Variants in DRC8 observed in about 807,000 individuals in gnomAD.
DRC8 encodes dynein regulatory complex protein 8.
At chr1:245,080,165 A>G in the DRC8 span, among the ~76,000 whole-genome samples, 1 of 152,184 alleles carries the variant, frequency 6.6e-6, no homozygotes, top group Non-Finnish European at 1.5e-5. Context: ...TGCTCGAAGA[A>G]TAAATCTGTC....
the DRC8 span, among the ~76,000 whole-genome samples, chr1:245,057,496 G>A: frequency 6.6e-6 from 1 of 152,136 alleles, no homozygotes; most frequent in Non-Finnish European, 1.5e-5. Context: ...TTTGGAATCA[G>A]TGTGTATTTT....
chr1:245,084,081 G>A, the DRC8 span, among the ~76,000 whole-genome samples: 3 of 33,638 alleles, frequency 8.9e-5, no homozygotes, highest in Admixed American at 7.2e-4. Flanking sequence ...CCGGCGCCCC[G>A]GCTTTTTTTT....
chr1:245,036,803 G>A, the DRC8 span, among the ~76,000 whole-genome samples: 1 of 152,178 alleles, frequency 6.6e-6, no homozygotes, highest in South Asian at 2.1e-4. Flanking sequence ...TAGACACACA[G>A]ATCAGTGGTT....
the DRC8 span, among the ~76,000 whole-genome samples, chr1:244,993,731 A>G: frequency 6.6e-6 from 1 of 152,196 alleles, no homozygotes; most frequent in Admixed American, 6.5e-5. Flanking sequence ...GCTGCATCAT[A>G]ACATGGTAGA....
chr1:245,047,088 T>G, the DRC8 span, among the ~76,000 whole-genome samples: 43,515 of 152,088 alleles, frequency 0.29, 6,466 homozygotes, highest in Middle Eastern at 0.35. Context: ...TTCATCAGCC[T>G]TCGTGAAGGA....
At chr1:245,049,048 C>T in the DRC8 span, among the ~76,000 whole-genome samples, 23 of 151,362 alleles carry the variant, frequency 1.5e-4, no homozygotes, top group South Asian at 1.0e-3. The surrounding 1 kb of genome is among the most constrained non-coding windows in gnomAD (Gnocchi z 4.5). Flanking sequence ...TGCAGTAGCT[C>T]GATCTCGACT....
chr1:245,046,389 C>T, the DRC8 span, among the ~76,000 whole-genome samples: 2 of 149,994 alleles, frequency 1.3e-5, no homozygotes, highest in South Asian at 2.1e-4. Flanking sequence ...TGCTCCTTCT[C>T]GCTGTCTCTT....
At chr1:245,053,394 A>G in the DRC8 span, among the ~76,000 whole-genome samples, 1 of 152,236 alleles carries the variant, frequency 6.6e-6, no homozygotes, top group Admixed American at 6.5e-5. Context: ...CAGGGACAGC[A>G]TCCGTGTCGT....
the DRC8 span, chr1:245,086,912 C>A: frequency 2.1e-6 from 1 of 487,528 alleles, no homozygotes; most frequent in Non-Finnish European, 4.2e-6. Flanking sequence ...TCAAGTTAAT[C>A]CTCTGGTAAT....
At chr1:244,978,919 G>A in the DRC8 span, among the ~76,000 whole-genome samples, 1 of 151,880 alleles carries the variant, frequency 6.6e-6, no homozygotes, top group Non-Finnish European at 1.5e-5. Context: ...CTGACCTTTG[G>A]TTTGAAGAAT....
At chr1:245,080,558 G>A in the DRC8 span, among the ~76,000 whole-genome samples, 2 of 152,176 alleles carry the variant, frequency 1.3e-5, no homozygotes, top group Non-Finnish European at 2.9e-5. Flanking sequence ...CCTTATCCCA[G>A]TGGTATAAGT....
chr1:245,103,034 A>C, the DRC8 span, among the ~76,000 whole-genome samples: 1 of 147,442 alleles, frequency 6.8e-6, no homozygotes, highest in African/African-American at 2.7e-5. Flanking sequence ...CAGAGAGGCC[A>C]AGCATTGTTT....
the DRC8 span, among the ~76,000 whole-genome samples, chr1:244,977,649 C>A: frequency 1.3e-3 from 190 of 145,774 alleles, no homozygotes; most frequent in African/African-American, 5.1e-3. Context: ...GCCTGTTAAA[C>A]TCTCTATTTC....
At chr1:245,023,566 G>T in the DRC8 span, among the ~76,000 whole-genome samples, 42 of 152,296 alleles carry the variant, frequency 2.8e-4, no homozygotes, top group African/African-American at 8.9e-4. Flanking sequence ...TTGGAGGGGG[G>T]TGTTGTTGTT....
the DRC8 span, chr1:244,970,597 G>A: frequency 5.4e-6 from 5 of 918,380 alleles, no homozygotes; most frequent in Non-Finnish European, 7.6e-6. Context: ...GGCAGCAGCA[G>A]TCGCCCTGCC....
chr1:245,078,081 A>G, the DRC8 span, among the ~76,000 whole-genome samples: 1 of 152,206 alleles, frequency 6.6e-6, no homozygotes, highest in Non-Finnish European at 1.5e-5. Flanking sequence ...GTGATGTACA[A>G]ATGTCCAACA....
At chr1:245,112,926 T>A in the DRC8 span, among the ~76,000 whole-genome samples, 1 of 152,082 alleles carries the variant, frequency 6.6e-6, no homozygotes, top group Non-Finnish European at 1.5e-5. Flanking sequence ...GCTAATTTTT[T>A]AATTTTGGTA....
At chr1:245,019,995 G>A in the DRC8 span, among the ~76,000 whole-genome samples, 2 of 152,064 alleles carry the variant, frequency 1.3e-5, no homozygotes, top group East Asian at 1.9e-4. Flanking sequence ...GTCTTTGAAC[G>A]GAGGGAGAGA....
chr1:245,069,114 G>T, the DRC8 span, among the ~76,000 whole-genome samples: 1 of 151,988 alleles, frequency 6.6e-6, no homozygotes, highest in South Asian at 2.1e-4. Context: ...ACAACATGGG[G>T]GTTCAAGGCA....
Sources: gnomAD v4.1 joint callset for allele counts (sites outside exome capture counted in the v4.1 genomes callset) on GRCh38, gnomAD v4.1.1 for gene constraint, Gnocchi (gnomAD v3.1) non-coding constraint, MANE v1.5 for transcripts, NCBI Gene and HGNC (gene_info 2026-07-23, HGNC 2026-07-21) for gene names.